The following CTNNA2 variants were observed in gnomAD, a reference collection of about 807,000 sequenced individuals.
CTNNA2 encodes catenin alpha-2.
CTNNA2 carries 42 observed loss-of-function variants against 101.0 expected under a neutral mutation model. That is an observed-to-expected ratio of 0.42 (90% CI 0.32 to 0.54). CTNNA2 has a LOEUF of 0.54. Ranked by LOEUF, CTNNA2 falls within the 20% of genes least tolerant of loss-of-function variation. The pLI is 0.14. For missense variants in CTNNA2, 871 were observed against 1,223.1 expected, an observed-to-expected ratio of 0.71 and a Z score of 4.29; for synonymous variants, 450 against 456.4, an observed-to-expected ratio of 0.99 and a Z score of 0.18.
At chr2:79,581,945 A>G (rs1676172807) in intron 1 of CTNNA2, among the ~76,000 whole-genome samples, 1 of 152,242 alleles carries the variant, frequency 6.6e-6, no homozygotes, top group Non-Finnish European at 1.5e-5. Context: ...TACAGAACTG[A>G]AAAATGTATA....
intron 18 of CTNNA2, among the ~76,000 whole-genome samples, chr2:80,622,094 C>A (rs1359342631): frequency 6.6e-6 from 1 of 151,948 alleles, no homozygotes; most frequent in Non-Finnish European, 1.5e-5. Flanking sequence ...GTATTGCTTA[C>A]AGTTCAACCT....
chr2:80,189,937 G>T (rs1706377684), intron 7 of CTNNA2, among the ~76,000 whole-genome samples: 1 of 151,942 alleles, frequency 6.6e-6, no homozygotes, highest in African/African-American at 2.4e-5. Context: ...TGTTAAAATG[G>T]GAGCATTCCT....
intron 7 of CTNNA2, among the ~76,000 whole-genome samples, chr2:79,975,367 A>T (rs1219703081): frequency 2.0e-5 from 3 of 152,108 alleles, no homozygotes; most frequent in Non-Finnish European, 4.4e-5. Flanking sequence ...CGTCAACACA[A>T]AACACTTCTG....
intron 1 of CTNNA2, among the ~76,000 whole-genome samples, chr2:79,564,227 G>T (rs541544885): frequency 1.8e-4 from 27 of 150,976 alleles, no homozygotes; most frequent in African/African-American, 5.8e-4. Context: ...TACTTTTAAA[G>T]ATTTTTAAAA....
At chr2:79,756,201 A>G (rs1672387777) in intron 3 of CTNNA2, among the ~76,000 whole-genome samples, 2 of 152,290 alleles carry the variant, frequency 1.3e-5, no homozygotes, top group East Asian at 3.9e-4. Flanking sequence ...TCTTTCAGCA[A>G]AAATAACAGC....
intron 7 of CTNNA2, among the ~76,000 whole-genome samples, chr2:80,311,913 A>G (rs939526862): frequency 2.0e-5 from 3 of 152,238 alleles, no homozygotes; most frequent in African/African-American, 7.2e-5. Context: ...TTACCAAGAC[A>G]TTCCAAGGTT....
At chr2:79,799,518 G>A (rs13426304) in intron 3 of CTNNA2, among the ~76,000 whole-genome samples, 1 of 152,022 alleles carries the variant, frequency 6.6e-6, no homozygotes, top group Non-Finnish European at 1.5e-5. Flanking sequence ...CTTCTTGTAC[G>A]ACAATCAAAA....
intron 7 of CTNNA2, among the ~76,000 whole-genome samples, chr2:80,067,269 G>T (rs757570013): frequency 1.5e-4 from 23 of 152,084 alleles, no homozygotes; most frequent in Non-Finnish European, 2.6e-4. Flanking sequence ...TAATGCATAT[G>T]TAAATTAGCT....
chr2:80,635,733 T>C (rs1672803303), intron 18 of CTNNA2, among the ~76,000 whole-genome samples: 1 of 152,102 alleles, frequency 6.6e-6, no homozygotes. Flanking sequence ...AATGGTTTTA[T>C]GATGATTGCT....
intron 2 of CTNNA2, among the ~76,000 whole-genome samples, chr2:79,718,186 G>T (rs1478931416): frequency 6.6e-6 from 1 of 152,074 alleles, no homozygotes; most frequent in East Asian, 1.9e-4. Flanking sequence ...TTTCCTCTTT[G>T]ATACGACTTT....
intron 11 of CTNNA2, among the ~76,000 whole-genome samples, chr2:80,548,688 A>G (rs1347472864): frequency 6.6e-6 from 1 of 152,168 alleles, no homozygotes; most frequent in African/African-American, 2.4e-5. Flanking sequence ...TGGAGTTGAC[A>G]ATCAGAGGCA....
intron 9 of CTNNA2, among the ~76,000 whole-genome samples, chr2:80,421,837 C>T (rs960699472): frequency 6.6e-6 from 1 of 151,266 alleles, no homozygotes; most frequent in African/African-American, 2.4e-5. Context: ...CTTGAACCAC[C>T]GAGCTGAGTG....
intron 7 of CTNNA2, among the ~76,000 whole-genome samples, chr2:80,192,023 A>C (rs944135027): frequency 1.3e-5 from 2 of 152,224 alleles, no homozygotes; most frequent in African/African-American, 4.8e-5. Context: ...ACCATAATTC[A>C]AACTGATTAG....
intron 3 of CTNNA2, among the ~76,000 whole-genome samples, chr2:79,337,865 A>G (rs1249872511): frequency 6.6e-6 from 1 of 152,174 alleles, no homozygotes; most frequent in African/African-American, 2.4e-5. Flanking sequence ...AAAAAAAGAA[A>G]CATATTTTCT....
At chr2:79,508,759 T>C (rs948225036), upstream of CTNNA2, among the ~76,000 whole-genome samples, 1 of 151,660 alleles carries the variant, frequency 6.6e-6, no homozygotes, top group Admixed American at 6.6e-5. Context: ...TTGCCTCCAT[T>C]TTGCAGACTG....
At chr2:79,229,639 C>T (rs1674464721) in intron 2 of CTNNA2, among the ~76,000 whole-genome samples, 2 of 152,076 alleles carry the variant, frequency 1.3e-5, no homozygotes, top group Admixed American at 6.5e-5. Flanking sequence ...TGAAAAGATA[C>T]CCTAAAATGT....
At chr2:79,491,554 G>C (rs1207887204) in intron 4 of CTNNA2, among the ~76,000 whole-genome samples, 1 of 152,154 alleles carries the variant, frequency 6.6e-6, no homozygotes, top group Non-Finnish European at 1.5e-5. Context: ...GAGTTGAAGG[G>C]CTTGGCTCTA....
chr2:79,441,510 G>C (rs750210700), intron 4 of CTNNA2, among the ~76,000 whole-genome samples: 6 of 152,056 alleles, frequency 3.9e-5, no homozygotes, highest in Non-Finnish European at 7.4e-5. Flanking sequence ...AACATTTTCT[G>C]ATTTTTCCTT....
intron 3 of CTNNA2, among the ~76,000 whole-genome samples, chr2:79,808,483 C>T (rs567383810): frequency 3.9e-5 from 6 of 152,324 alleles, no homozygotes; most frequent in Admixed American, 6.5e-5. Flanking sequence ...CCCAAAGCAT[C>T]TGAAGCTAGA....
Sources: gnomAD v4.1 joint callset for allele counts (sites outside exome capture counted in the v4.1 genomes callset) on GRCh38, gnomAD v4.1.1 for gene constraint, MANE v1.5 for transcripts, NCBI Gene and HGNC (gene_info 2026-07-23, HGNC 2026-07-21) for gene names.